Variants in CFAP47 observed in about 807,000 individuals in gnomAD.
CFAP47 encodes cilia- and flagella-associated protein 47.
In CFAP47, 29 loss-of-function variants were observed where a neutral mutation model predicts 148.1. That is an observed-to-expected ratio of 0.20 (90% confidence interval 0.15 to 0.27). CFAP47 has a LOEUF of 0.27. Ranked by LOEUF, CFAP47 falls within the 10% of genes least tolerant of loss-of-function variation. The probability of loss-of-function intolerance (pLI) is 1.00; values close to 1 mark genes in which losing one functional copy is unlikely to be tolerated. For synonymous variants in CFAP47, 664 were observed against 577.3 expected, an observed-to-expected ratio of 1.15 and a Z score of -2.15; for missense variants, 1,872 against 1,697.5, an observed-to-expected ratio of 1.10 and a Z score of -1.81.
chrX:35,920,080 C>A (rs778293818), intron 1 of CFAP47, 32 bp downstream of exon 1: 1 of 1,142,900 alleles, frequency 8.7e-7, no homozygotes, highest in Non-Finnish European at 1.2e-6. Flanking sequence ...GGAGCGGGAC[C>A]TTGTGAGAGC....
At chrX:35,999,314 T>C (rs1163717941) in intron 19 of CFAP47, among the ~76,000 whole-genome samples, 1 of 112,001 alleles carries the variant, frequency 8.9e-6, no homozygotes, top group Non-Finnish European at 1.9e-5. Flanking sequence ...TCGATCTCCT[T>C]TAAATGTTGT....
chrX:36,238,385 T>C (rs1025345046), intron 48 of CFAP47, among the ~76,000 whole-genome samples: 79 of 112,452 alleles, frequency 7.0e-4, no homozygotes, highest in African/African-American at 2.4e-3. Context: ...TTAAAAATCT[T>C]TTTCTTTATA....
intron 48 of CFAP47, among the ~76,000 whole-genome samples, chrX:36,246,946 A>G (rs1555997143): frequency 9.0e-6 from 1 of 111,189 alleles, no homozygotes; most frequent in Non-Finnish European, 1.9e-5. Context: ...AAGAAAACAA[A>G]TCACTCTACC....
At chrX:36,063,946 T>C (rs1395917487) in intron 26 of CFAP47, among the ~76,000 whole-genome samples, 1 of 112,331 alleles carries the variant, frequency 8.9e-6, no homozygotes, top group Non-Finnish European at 1.9e-5. Context: ...GAAACTTCCA[T>C]ACCCACAGGT....
At chrX:36,042,533 T>C (rs1345262818) in intron 25 of CFAP47, among the ~76,000 whole-genome samples, 2 of 110,371 alleles carry the variant, frequency 1.8e-5, no homozygotes, top group South Asian at 3.8e-4. Context: ...TTACTACTTA[T>C]AATAACATCA....
In CFAP47 at chrX:36,065,679, C is replaced by T; in HGVS notation, c.4254C>T (p.Cys1418=). ...SLPVTATAEN[C]ILTIYPYMAI... ...CAGTTACTGCAACAGCAGAAAACTG[C>T]ATTCTTACTATTTACCCATATATGG... Residue 1418 remains cysteine, a synonymous_variant, in exon 27 of 64, where the codon TGC becomes TGT. Transcript: ENST00000378653. 2 of 1,199,304 alleles carry T rather than the reference C, an allele frequency of 1.7e-6. No homozygotes were observed. Among genetic ancestry groups the T allele is most frequent in the South Asian group, 1.8e-5 (1 of 56,088 alleles).
chrX:36,310,479 A>G (rs1357157601), intron 55 of CFAP47, among the ~76,000 whole-genome samples: 1 of 103,486 alleles, frequency 9.7e-6, no homozygotes, highest in Non-Finnish European at 1.9e-5. Flanking sequence ...TGGAAACTAC[A>G]TGCAGTGTTT....
rs189284303 is a variant in CFAP47, at chrX:35,993,205, C to G, written c.2983C>G (p.Leu995Val). ...HAYFKVCSQS[L>V]LPIINIIPSQ... Reference sequence around the variant, plus strand: ...TCAATTACAGGTTTGTAGTCAGAGTCTTTTGCCTATCATTAATATTATTCC... The same window carrying G: ...TCAATTACAGGTTTGTAGTCAGAGTGTTTTGCCTATCATTAATATTATTCC... The change falls in exon 18 of 64, where the codon CTT becomes GTT. Residue 995 changes from leucine (L) to valine (V), a missense_variant. By Grantham distance (32) the Leu-to-Val change is conservative. Coordinates refer to ENST00000378653, the MANE Select transcript of CFAP47 (RefSeq NM_001304548.2). 61 of 294,190 alleles carry G rather than the reference C, an allele frequency of 2.1e-4. No individual in the cohort carries two copies. In the Admixed American group the frequency reaches 2.4e-3, roughly 12 times the overall value. 24.2% of individuals were successfully genotyped at this position (294,190 alleles called of 1,213,427 possible).
chrX:36,359,520 C>CT (rs1315999100), intron 60 of CFAP47, among the ~76,000 whole-genome samples: 1 of 111,623 alleles, frequency 9.0e-6, no homozygotes, highest in Non-Finnish European at 1.9e-5. Flanking sequence ...TTTAACATTT[C>CT]TACTAGGGTT....
intron 13 of CFAP47, among the ~76,000 whole-genome samples, chrX:35,973,184 C>CATTTATTT (rs745981962): frequency 9.0e-6 from 1 of 111,007 alleles, no homozygotes; most frequent in African/African-American, 3.3e-5. Flanking sequence ...ATTCTTTACC[C>CATTTATTT]ATTTATTTAT....
intron 39 of CFAP47, among the ~76,000 whole-genome samples, chrX:36,175,956 C>A (rs953865776): frequency 6.9e-5 from 7 of 101,740 alleles, no homozygotes; most frequent in African/African-American, 2.5e-4. Flanking sequence ...AGCGAGACTC[C>A]GTGGGCGTAG....
At chrX:36,252,305 A>G (rs782316319) in intron 49 of CFAP47, among the ~76,000 whole-genome samples, 1 of 109,218 alleles carries the variant, frequency 9.2e-6, no homozygotes, top group East Asian at 2.9e-4. Context: ...TATAGAAGCG[A>G]TAGTGAGCTG....
chrX:36,080,411 C>G (rs1402167022), intron 29 of CFAP47, among the ~76,000 whole-genome samples: 1 of 111,243 alleles, frequency 9.0e-6, no homozygotes, highest in Admixed American at 9.5e-5. Context: ...ACCATTTGAC[C>G]CAGTGATCCC....
intron 32 of CFAP47, among the ~76,000 whole-genome samples, chrX:36,104,102 T>C (rs757373865): frequency 8.9e-6 from 1 of 112,093 alleles, no homozygotes; most frequent in South Asian, 3.7e-4. Context: ...AATTTTTGGC[T>C]TGTTAACTTA....
At chrX:36,104,733 G>A (rs1342022691) in intron 33 of CFAP47, 42 bp downstream of exon 33, 1 of 480,655 alleles carries the variant, frequency 2.1e-6, no homozygotes, top group Non-Finnish European at 3.5e-6. Context: ...ATTGCAAATT[G>A]TAGTGTGATG....
At chrX:36,178,547 G>A (rs770071952) in intron 39 of CFAP47, among the ~76,000 whole-genome samples, 4 of 111,051 alleles carry the variant, frequency 3.6e-5, no homozygotes, top group African/African-American at 1.3e-4. Context: ...CAAAAAGCTA[G>A]CATTTTGGGA....
chrX:36,074,819 A>G lies in CFAP47; in HGVS notation c.4691+1455A>G, dbSNP rs1937817926. ...CAACCTTCAGCCTCTGATGACCACC[A>G]TTTCACTCTCAGCTTCAATGAATTC... On this transcript the variant is annotated intron_variant, in intron 29 of 63. Transcript: ENST00000378653. Among the ~76,000 whole-genome samples the G allele has an allele frequency of 2.7e-5, 3 of 111,485 alleles. No homozygotes were observed. In the South Asian group the frequency reaches 1.1e-3, roughly 41 times the overall value.
intron 2 of CFAP47, among the ~76,000 whole-genome samples, chrX:35,938,849 A>G (rs1935956525): frequency 8.9e-6 from 1 of 112,013 alleles, no homozygotes; most frequent in Non-Finnish European, 1.9e-5. Flanking sequence ...TTGATGAAAG[A>G]AAACTGGATA....
intron 26 of CFAP47, among the ~76,000 whole-genome samples, chrX:36,051,296 C>A (rs1937519306): frequency 9.0e-6 from 1 of 111,465 alleles, no homozygotes; most frequent in Non-Finnish European, 1.9e-5. Flanking sequence ...TTGCACCATG[C>A]ACCTGGAAAA....
Sources: allele counts gnomAD v4.1 joint callset (sites outside exome capture counted in the v4.1 genomes callset), GRCh38; gene constraint gnomAD v4.1.1; transcripts MANE v1.5; gene names NCBI Gene and HGNC (gene_info 2026-07-23, HGNC 2026-07-21).